MSN: variants seen among roughly 807,000 people sequenced by gnomAD.
MSN encodes epididymis luminal protein 70.
MSN carries 2 observed loss-of-function variants against 48.0 expected under a neutral mutation model. The observed-to-expected ratio is 0.04, with a 90% CI of 0.02 to 0.13. The LOEUF is 0.13. Among genes scored for constraint, MSN ranks in the 10% least tolerant of loss-of-function variants. The pLI, the probability that MSN is intolerant of heterozygous loss-of-function variation, is 1.00. For synonymous variants in MSN, 146 were observed against 166.9 expected, an observed-to-expected ratio of 0.87 and a Z score of 0.97; for missense variants, 267 against 470.1, an observed-to-expected ratio of 0.57 and a Z score of 3.99.
chrX:65,665,018 G>T (rs2070856352), upstream of MSN, among the ~76,000 whole-genome samples: 1 of 110,402 alleles, frequency 9.1e-6, no homozygotes, highest in African/African-American at 3.3e-5. Flanking sequence ...CCAAAGTGCT[G>T]GGATTACAGG....
At position 65,611,732 on chromosome X, in the gene MSN, G is replaced by T. The variant is rs890517888; in HGVS notation, c.-22+23120G>T. On this transcript the variant is annotated intron_variant, in intron 1 of 3. Transcript: ENST00000609672. Reference sequence around the variant, plus strand: ...TCAATTACTTTGAGTATATACCCAGGATTGAAATTTCCAGATCACATGGTA... The same window carrying T: ...TCAATTACTTTGAGTATATACCCAGTATTGAAATTTCCAGATCACATGGTA... 3.6e-5 allele frequency among the ~76,000 whole-genome samples: 4 copies of T among 111,258 alleles called. No individual in the cohort carries two copies. The East Asian group carries it at 1.1e-3, about 31-fold the overall frequency.
In MSN at chrX:65,701,289, C is replaced by T. The variant is rs2071300776; in HGVS notation, c.13-15529C>T. On this transcript the variant is annotated intron_variant, in intron 1 of 12. Transcript: ENST00000360270. ...GCTAGATGGGAGGATGGTTGAAGAT[C>T]CTGGACAATGGTCTGAGGGTCTGGT... Among the ~76,000 whole-genome samples, 3 of 111,744 alleles carry T rather than the reference C, an allele frequency of 2.7e-5. No individual in the cohort carries two copies. In the South Asian group the frequency reaches 1.1e-3, roughly 42 times the overall value.
At chrX:65,661,316 A>T (rs1464811305) in intron 1 of MSN, among the ~76,000 whole-genome samples, 1 of 111,703 alleles carries the variant, frequency 9.0e-6, no homozygotes, top group Non-Finnish European at 1.9e-5. Flanking sequence ...GAGGGTTTTT[A>T]TCATAAAGGT....
intron 1 of MSN, among the ~76,000 whole-genome samples, chrX:65,593,672 A>T (rs1196837382): frequency 8.9e-6 from 1 of 111,956 alleles, no homozygotes; most frequent in Non-Finnish European, 1.9e-5. Context: ...CCTTCTGAGT[A>T]GCTCGGATTA....
intron 1 of MSN, among the ~76,000 whole-genome samples, chrX:65,696,982 G>T (rs1156740773): frequency 9.0e-6 from 1 of 110,695 alleles, no homozygotes; most frequent in Non-Finnish European, 1.9e-5. Flanking sequence ...CAGGAAGGCG[G>T]TCATACAAAA....
intron 1 of MSN, among the ~76,000 whole-genome samples, chrX:65,711,225 A>AT (rs1055842001): frequency 9.0e-6 from 1 of 111,265 alleles, no homozygotes; most frequent in Non-Finnish European, 1.9e-5. Context: ...CGCCCAGCTA[A>AT]TTTTTTTGTA....
At chrX:65,665,754 A>G (rs1168671634), upstream of MSN, among the ~76,000 whole-genome samples, 1 of 111,882 alleles carries the variant, frequency 8.9e-6, no homozygotes, top group East Asian at 2.8e-4. Flanking sequence ...TGCTACAGAA[A>G]TGGAAACTCA....
rs145272292 is a variant in MSN, at chrX:65,640,587, C to T, written c.-22+51975C>T. 7.2e-3 allele frequency among the ~76,000 whole-genome samples: 805 copies of T among 111,071 alleles called. 7 individuals carry two copies. The highest frequency in any genetic ancestry group is 0.025 in the African/African-American group (776 of 30,571). On this transcript the variant is annotated intron_variant, in intron 1 of 3. Transcript: ENST00000609672. Reference sequence around the variant, plus strand: ...AAATGTCACCGTTAGAGAGATACTTCTGTGGGATAACACTAGCTTCTCCAA... The same window carrying T: ...AAATGTCACCGTTAGAGAGATACTTTTGTGGGATAACACTAGCTTCTCCAA...
intron 2 of MSN, among the ~76,000 whole-genome samples, chrX:65,718,324 G>A (rs2071485726): frequency 9.1e-6 from 1 of 110,205 alleles, no homozygotes; most frequent in African/African-American, 3.3e-5. Context: ...AGTGTGTTAT[G>A]TTTTGTATCT....
At chrX:65,615,897 G>C (rs1190038484) in intron 1 of MSN, among the ~76,000 whole-genome samples, 126 of 111,057 alleles carry the variant, frequency 1.1e-3, no homozygotes, top group African/African-American at 4.1e-3. Context: ...GTGTAAGGAA[G>C]GGATCCAGTT....
rs535010759 is a variant in MSN, at chrX:65,683,393, G to GCCACCACCACCACCA, written c.12+15576_12+15590dup. ...TGCTATTGCTACTGTTGCCGCCGCCGCCACCACCACCACCACCACCACCAC... is the reference window on the plus strand; with the variant it reads ...TGCTATTGCTACTGTTGCCGCCGCCGCCACCACCACCACCACCACCACCACCACCACCACCACCAC... On this transcript the variant is annotated intron_variant, in intron 1 of 12. Coordinates refer to ENST00000360270, the MANE Select transcript of MSN (RefSeq NM_002444.3). Among the ~76,000 whole-genome samples the GCCACCACCACCACCA allele has an allele frequency of 1.1e-3, 104 of 91,314 alleles. 3 individuals are homozygous for GCCACCACCACCACCA. The East Asian group carries it at 0.023, about 20-fold the overall frequency. 79.3% of individuals were successfully genotyped at this position (91,314 alleles called of 115,157 possible).
chrX:65,715,171 T>C (rs2071451372), intron 1 of MSN, among the ~76,000 whole-genome samples: 1 of 111,476 alleles, frequency 9.0e-6, no homozygotes, highest in Non-Finnish European at 1.9e-5. Context: ...TCTGCTCCAT[T>C]GGTCTCTGTG....
intron 2 of MSN, among the ~76,000 whole-genome samples, chrX:65,724,207 C>T (rs1056941643): frequency 6.5e-5 from 7 of 108,071 alleles, no homozygotes; most frequent in Admixed American, 5.9e-4. Context: ...TGCAATGGCG[C>T]GATCTCGGCT....
Position 65,727,821 on chromosome X carries a change from A to G in MSN, c.104A>G (p.Lys35Arg), listed in dbSNP as rs1466800155. Residue 35 changes from lysine to arginine, a missense_variant, in exon 3 of 13, where the codon AAA (lysine) becomes AGA (arginine). This residue lies in a region of MSN where 89 missense variants were observed against 151.0 expected (regional missense o/e 0.59). Coordinates refer to ENST00000360270, the MANE Select transcript of MSN (RefSeq NM_002444.3). ...TGKQLFDQVV[K>R]TIGLREVWFF... ...TTTGGTTTTCTCTTCTAGGTGGTGA[A>G]AACTATTGGCTTGAGGGAAGTTTGG... The G allele has an allele frequency of 5.0e-6, 6 of 1,209,887 alleles. No individual in the cohort carries two copies. Among genetic ancestry groups the G allele is most frequent in the Non-Finnish European group, 6.7e-6 (6 of 893,875 alleles).
rs182378172 is a variant in MSN at position 65,599,113 on chromosome X, C to A, written c.-22+10501C>A. The stretch of plus-strand genomic sequence containing the variant: ...ACCAGCCTAGCCAACATGGTGAAAA[C>A]TGTGTCTACTAAAAATTAAAAAAAA... On this transcript the variant is annotated intron_variant, in intron 1 of 3. Transcript: ENST00000609672. Among the ~76,000 whole-genome samples, 6 of 107,352 alleles carry A rather than the reference C, an allele frequency of 5.6e-5. No individual in the cohort carries two copies. The East Asian group carries it at 1.8e-3, about 31-fold the overall frequency. The allele number at this position is 107,352 out of a possible 115,157, so 93.2% of individuals were successfully genotyped here. A position where few individuals can be genotyped will look rare whatever the true frequency, so the allele number is the denominator to read the frequency against.
rs771669887 is a variant in MSN, at chrX:65,599,439, C to T, written c.-22+10827C>T. Among the ~76,000 whole-genome samples, 311 of 112,378 alleles carry T rather than the reference C, an allele frequency of 2.8e-3. 1 individual carries two copies. The highest frequency in any genetic ancestry group is 4.9e-3 in the Non-Finnish European group (263 of 53,216). On this transcript the variant is annotated intron_variant, in intron 1 of 3. Transcript: ENST00000609672. ...CATGAGGTCAAGAGATCGAGACCAT[C>T]CTGGCCAACATGGTGAAACCTCATC...
At chrX:65,609,108 A>G (rs113461785) in intron 1 of MSN, among the ~76,000 whole-genome samples, 14 of 103,181 alleles carry the variant, frequency 1.4e-4, no homozygotes, top group Non-Finnish European at 2.6e-4. Context: ...AGGGCTCTCA[A>G]TGAGAGCCCT....
intron 1 of MSN, among the ~76,000 whole-genome samples, chrX:65,619,747 G>T (rs2070415405): frequency 9.1e-6 from 1 of 109,396 alleles, no homozygotes; most frequent in African/African-American, 3.5e-5. Flanking sequence ...TCCGTTGCTG[G>T]TGAGGAACTG....
Position 65,729,477 on chromosome X carries a change from T to C in MSN, c.232T>C (p.Phe78Leu). The change falls in exon 4 of 13, where the codon TTT becomes CTT. Residue 78 changes from phenylalanine to leucine, a missense_variant. Transcript: ENST00000360270. The part of the protein sequence containing the change: ...QDVRKESPLL[F>L]KFRAKFYPED... The stretch of plus-strand genomic sequence containing the variant: ...TGTGCGGAAGGAAAGCCCCCTGCTC[T>C]TTAAGTTCCGTGCCAAGTTCTACCC... The C allele has an allele frequency of 1.7e-6, 2 of 1,211,524 alleles. No individual in the cohort carries two copies. The highest frequency in any genetic ancestry group is 5.9e-5 in the East Asian group (2 of 33,842).
Sources: allele counts gnomAD v4.1 joint callset (sites outside exome capture counted in the v4.1 genomes callset), GRCh38; gene constraint gnomAD v4.1.1; regional missense constraint gnomAD v4.1.1; transcripts MANE v1.5; gene names NCBI Gene and HGNC (gene_info 2026-07-23, HGNC 2026-07-21).